Variants in MCTP1 observed in about 807,000 individuals in gnomAD.
MCTP1 encodes the protein multiple C2 and transmembrane domain-containing protein 1.
In MCTP1, 69 loss-of-function variants were observed where a neutral mutation model predicts 120.6. The ratio of observed to expected loss-of-function variants is 0.57; its 90% CI spans 0.47 to 0.70. MCTP1 has a LOEUF of 0.70. MCTP1 is among the 30% of genes least tolerant of loss of function. The pLI is 0.00. For missense variants in MCTP1, 1,203 were observed against 1,248.8 expected (o/e 0.96, Z 0.55); for synonymous variants, 529 against 493.1 (o/e 1.07, Z -0.96).
intron 1 of MCTP1, among the ~76,000 whole-genome samples, chr5:95,088,679 C>T (rs76055292): frequency 0.046 from 6,984 of 152,298 alleles, 222 homozygotes; most frequent in Middle Eastern, 0.061. Flanking sequence ...ACTATTTTTA[C>T]ACCAAACATG....
At chr5:94,993,984 C>A (rs181689372) in intron 2 of MCTP1, among the ~76,000 whole-genome samples, 1 of 152,248 alleles carries the variant, frequency 6.6e-6, no homozygotes, top group East Asian at 1.9e-4. Flanking sequence ...ATAGGAACTA[C>A]CAAAGTCAAG....
intron 1 of MCTP1, among the ~76,000 whole-genome samples, chr5:95,066,817 G>A (rs1039870157): frequency 6.6e-6 from 1 of 152,294 alleles, no homozygotes; most frequent in South Asian, 2.1e-4. Context: ...GTGCAGTGGG[G>A]ACCGGGGGCG....
chr5:94,929,794 T>G, intron 6 of MCTP1: 1 of 403,292 alleles, frequency 2.5e-6, no homozygotes, highest in Non-Finnish European at 3.4e-6. Flanking sequence ...TATAGATGAA[T>G]ATGGCAAATG....
At chr5:95,172,539 C>T (rs1159087911) in intron 1 of MCTP1, among the ~76,000 whole-genome samples, 2 of 152,130 alleles carry the variant, frequency 1.3e-5, no homozygotes, top group African/African-American at 4.8e-5. Flanking sequence ...AAAGCCCTCC[C>T]AGGACTTCTT....
At chr5:95,082,721 G>A (rs1008557548) in intron 1 of MCTP1, among the ~76,000 whole-genome samples, 1 of 151,970 alleles carries the variant, frequency 6.6e-6, no homozygotes. Context: ...TACTAGTGTT[G>A]GAGATCTAGT....
intron 19 of MCTP1, among the ~76,000 whole-genome samples, chr5:94,746,695 C>A (rs968657255): frequency 6.6e-6 from 1 of 152,158 alleles, no homozygotes; most frequent in African/African-American, 2.4e-5. Flanking sequence ...CTCATGCATT[C>A]CATGTCATAA....
At chr5:95,064,574 C>T (rs1582110146) in intron 1 of MCTP1, among the ~76,000 whole-genome samples, 1 of 150,482 alleles carries the variant, frequency 6.6e-6, no homozygotes, top group Non-Finnish European at 1.5e-5. Flanking sequence ...GCTCTAAGGA[C>T]AACAATAATC....
chr5:94,881,557 G>A (rs200254760), intron 12 of MCTP1, among the ~76,000 whole-genome samples: 1 of 152,022 alleles, frequency 6.6e-6, no homozygotes, highest in Non-Finnish European at 1.5e-5. Context: ...GGTGGCTTTT[G>A]TGGAAAGATC....
At chr5:95,205,530 C>T (rs956575695) in intron 1 of MCTP1, among the ~76,000 whole-genome samples, 4 of 152,026 alleles carry the variant, frequency 2.6e-5, no homozygotes, top group African/African-American at 4.8e-5. Flanking sequence ...TCAAAGGATA[C>T]CAACAAGAAA....
intron 19 of MCTP1, among the ~76,000 whole-genome samples, chr5:94,736,152 A>C (rs944784598): frequency 3.9e-5 from 6 of 152,226 alleles, no homozygotes; most frequent in Non-Finnish European, 5.9e-5. Flanking sequence ...CTCAACCACC[A>C]CTATCACTTA....
rs570777626 is a variant in MCTP1 at position 95,207,019 on chromosome 5, T to C, written c.720+76837A>G. Among the ~76,000 whole-genome samples, 6 of 152,300 alleles carry C rather than the reference T, an allele frequency of 3.9e-5. No homozygotes were observed. In the South Asian group the frequency reaches 8.3e-4, roughly 21 times the overall value. ...CATATGTCTTTTTATATCCATCCAA[T>C]AGATCAATGATTTTCAGGGATTTTG... On this transcript the variant is annotated intron_variant, in intron 1 of 22. Coordinates refer to ENST00000515393, the MANE Select transcript of MCTP1 (RefSeq NM_024717.7).
At chr5:95,213,443 G>C (rs1165137320) in intron 1 of MCTP1, among the ~76,000 whole-genome samples, 1 of 152,210 alleles carries the variant, frequency 6.6e-6, no homozygotes, top group African/African-American at 2.4e-5. Context: ...ACTGCCCAAG[G>C]TAAGTTGTAG....
chr5:95,220,778 A>T (rs1053012070), intron 1 of MCTP1, among the ~76,000 whole-genome samples: 1 of 152,220 alleles, frequency 6.6e-6, no homozygotes, highest in Non-Finnish European at 1.5e-5. Context: ...GAAATTCTTT[A>T]CCTCACATGG....
At chr5:94,936,080 C>A (rs992100181) in intron 5 of MCTP1, among the ~76,000 whole-genome samples, 54 of 151,950 alleles carry the variant, frequency 3.6e-4, no homozygotes, top group Non-Finnish European at 1.9e-4. Flanking sequence ...AATTTATTGT[C>A]ATCATTCGAA....
At position 95,150,148 on chromosome 5, in the gene MCTP1, T is replaced by C. The variant is rs559015546; in HGVS notation, c.721-132664A>G. Among the ~76,000 whole-genome samples the C allele has an allele frequency of 3.3e-5, 5 of 152,346 alleles. No individual in the cohort carries two copies. The East Asian group carries it at 9.6e-4, about 29-fold the overall frequency. On this transcript the variant is annotated intron_variant, in intron 1 of 22. Coordinates refer to ENST00000515393, the MANE Select transcript of MCTP1 (RefSeq NM_024717.7). ...CATTTGTTTTTATATTTTTAAATGA[T>C]TTTTGATGAAAACTTTCTAAAGTGC...
At chr5:94,885,438 C>G (rs1351495922) in intron 12 of MCTP1, among the ~76,000 whole-genome samples, 2 of 152,126 alleles carry the variant, frequency 1.3e-5, no homozygotes, top group African/African-American at 4.8e-5. Flanking sequence ...TCTAAATACT[C>G]TGCAAAGAAA....
intron 17 of MCTP1, among the ~76,000 whole-genome samples, chr5:94,817,805 C>A (rs1041060580): frequency 6.6e-6 from 1 of 152,192 alleles, no homozygotes; most frequent in African/African-American, 2.4e-5. Context: ...TTTTTAGGAA[C>A]TGTTGGCCGA....
chr5:95,212,529 C>CTGA (rs1232350399), intron 1 of MCTP1, among the ~76,000 whole-genome samples: 4 of 152,128 alleles, frequency 2.6e-5, no homozygotes, highest in African/African-American at 9.7e-5. Context: ...CAGCATCATA[C>CTGA]TGATACCAAA....
intron 1 of MCTP1, among the ~76,000 whole-genome samples, chr5:95,020,814 G>T (rs1287305497): frequency 1.3e-5 from 2 of 151,846 alleles, no homozygotes; most frequent in Non-Finnish European, 2.9e-5. Flanking sequence ...TTCTCACCTG[G>T]AATTGTAACA....
Sources: allele counts gnomAD v4.1 joint callset (sites outside exome capture counted in the v4.1 genomes callset), GRCh38; gene constraint gnomAD v4.1.1; transcripts MANE v1.5; gene names NCBI Gene and HGNC (gene_info 2026-07-23, HGNC 2026-07-21).